The following FILIP1L variants were observed in gnomAD, a reference collection of about 807,000 sequenced individuals.
The protein encoded by FILIP1L is filamin A-interacting protein 1-like.
In FILIP1L, 55 loss-of-function variants were observed where a neutral mutation model predicts 96.6. The observed-to-expected ratio is 0.57, with a 90% CI of 0.46 to 0.71. FILIP1L has a LOEUF of 0.71. FILIP1L is among the 30% of genes least tolerant of loss of function. FILIP1L has a pLI of 0.00. For synonymous variants in FILIP1L, 467 were observed against 473.9 expected (o/e 0.99, Z 0.19); for missense variants, 1,304 against 1,321.2 (o/e 0.99, Z 0.20).
intron 4 of FILIP1L, among the ~76,000 whole-genome samples, chr3:99,863,317 T>G (rs548876005): frequency 6.6e-6 from 1 of 152,322 alleles, no homozygotes; most frequent in South Asian, 2.1e-4. Flanking sequence ...CTCATCCCGC[T>G]GCTCACCTCC....
intron 1 of FILIP1L, among the ~76,000 whole-genome samples, chr3:100,049,917 A>G (rs2065341573): frequency 6.6e-6 from 1 of 152,196 alleles, no homozygotes; most frequent in South Asian, 2.1e-4. Context: ...GGGGGGAGTC[A>G]AAAGTTATAT....
intron 1 of FILIP1L, among the ~76,000 whole-genome samples, chr3:100,106,974 G>A (rs778056913): frequency 1.1e-3 from 172 of 152,290 alleles, no homozygotes; most frequent in Non-Finnish European, 1.0e-3. Flanking sequence ...GTGGTGACTG[G>A]CATTTTGCCA....
intron 1 of FILIP1L, among the ~76,000 whole-genome samples, chr3:99,988,511 CAAAA>C (rs757175318): frequency 6.3e-5 from 3 of 47,894 alleles, no homozygotes; most frequent in South Asian, 8.2e-4. Context: ...GACTCCATCT[CAAAA>C]AAAAAAAAAA....
At chr3:99,883,869 A>T (rs973836680) in intron 4 of FILIP1L, among the ~76,000 whole-genome samples, 3 of 152,218 alleles carry the variant, frequency 2.0e-5, no homozygotes, top group African/African-American at 7.2e-5. Context: ...TTTGTCTAAG[A>T]TCACAGAGCT....
intron 4 of FILIP1L, among the ~76,000 whole-genome samples, chr3:99,869,260 T>G (rs1944668674): frequency 6.6e-6 from 1 of 152,214 alleles, no homozygotes; most frequent in African/African-American, 2.4e-5. Context: ...TTGCCTGTGA[T>G]TCTTTGCATC....
chr3:99,870,985 C>T (rs1201574524), intron 4 of FILIP1L, among the ~76,000 whole-genome samples: 1 of 152,148 alleles, frequency 6.6e-6, no homozygotes, highest in African/African-American at 2.4e-5. Flanking sequence ...GGTGACTCAC[C>T]TGATACTCCT....
chr3:99,913,325 A>C (rs1056726151), intron 4 of FILIP1L, among the ~76,000 whole-genome samples: 1 of 152,236 alleles, frequency 6.6e-6, no homozygotes, highest in African/African-American at 2.4e-5. Flanking sequence ...ACACAGCAGC[A>C]TATGAGGGTT....
chr3:100,048,696 AG>A (rs1050706970), intron 1 of FILIP1L, among the ~76,000 whole-genome samples: 24 of 152,314 alleles, frequency 1.6e-4, no homozygotes, highest in African/African-American at 5.5e-4. Flanking sequence ...CACTAAAGGA[AG>A]CAATCAAGTC....
At position 99,833,205 on chromosome 3, in the gene FILIP1L, A is replaced by G. The variant is rs201337902; in HGVS notation, c.3382-2600T>C. ...GTTCAACATGAAGACTGGGATTTGG[A>G]ATGCCTTAAAAGTCTGAAGGATGTT... On this transcript the variant is annotated intron_variant, in intron 5 of 5. Transcript: ENST00000477258. 3.3e-4 allele frequency: 533 copies of G among 1,601,074 alleles called. 2 individuals carry two copies. The highest frequency in any genetic ancestry group is 2.4e-4 in the Admixed American group (14 of 59,372).
intron 1 of FILIP1L, among the ~76,000 whole-genome samples, chr3:100,088,464 T>C (rs961209649): frequency 1.3e-5 from 2 of 152,258 alleles, no homozygotes; most frequent in Non-Finnish European, 2.9e-5. Flanking sequence ...ATTTTCTGAT[T>C]GAAATTAACT....
intron 1 of FILIP1L, among the ~76,000 whole-genome samples, chr3:99,987,734 G>A (rs1427250968): frequency 2.0e-5 from 3 of 152,240 alleles, no homozygotes; most frequent in African/African-American, 2.4e-5. Flanking sequence ...CTTCACAGGT[G>A]CATGTAATGA....
At chr3:99,914,572 T>C (rs983615153) in intron 4 of FILIP1L, among the ~76,000 whole-genome samples, 1 of 152,196 alleles carries the variant, frequency 6.6e-6, no homozygotes, top group African/African-American at 2.4e-5. Context: ...AAGACTAGTC[T>C]CAGGTAAAGT....
intron 1 of FILIP1L, among the ~76,000 whole-genome samples, chr3:99,978,786 G>A (rs566445408): frequency 6.6e-6 from 1 of 152,240 alleles, no homozygotes; most frequent in South Asian, 2.1e-4. Flanking sequence ...TTGGGTGGCT[G>A]AGGCACGAGA....
intron 1 of FILIP1L, among the ~76,000 whole-genome samples, chr3:100,024,688 AGCCTCTCTT>A (rs2064886245): frequency 6.6e-6 from 1 of 152,200 alleles, no homozygotes; most frequent in South Asian, 2.1e-4. Flanking sequence ...GTGACCTTCT[AGCCTCTCTT>A]ATTCAGCATG....
intron 4 of FILIP1L, among the ~76,000 whole-genome samples, chr3:99,904,510 G>A (rs1359480624): frequency 6.6e-6 from 1 of 152,172 alleles, no homozygotes; most frequent in Non-Finnish European, 1.5e-5. Flanking sequence ...CCATTAAAAT[G>A]AGGTCAAAGA....
chr3:100,058,524 A>C (rs1168497711), intron 1 of FILIP1L, among the ~76,000 whole-genome samples: 1 of 152,234 alleles, frequency 6.6e-6, no homozygotes, highest in African/African-American at 2.4e-5. Flanking sequence ...AGATACTCAC[A>C]TCCCCAATCT....
intron 3 of FILIP1L, among the ~76,000 whole-genome samples, chr3:99,928,877 T>C: frequency 6.6e-6 from 1 of 152,212 alleles, no homozygotes; most frequent in East Asian, 1.9e-4. Flanking sequence ...CAACAGACTT[T>C]GGGTGGTCTC....
chr3:99,861,723 A>C (rs539271516), intron 4 of FILIP1L, among the ~76,000 whole-genome samples: 1 of 152,320 alleles, frequency 6.6e-6, no homozygotes, highest in South Asian at 2.1e-4. Flanking sequence ...GACTGACAGC[A>C]TGTACACTCT....
In FILIP1L at chr3:99,850,882, G is replaced by C; in HGVS notation, c.794C>G (p.Thr265Arg). The C allele has an allele frequency of 6.2e-7, 1 of 1,614,182 alleles. No homozygotes were observed. Among genetic ancestry groups the C allele is most frequent in the Non-Finnish European group, 8.5e-7 (1 of 1,180,036 alleles). The part of the protein sequence containing the change: ...LQRQKIQELT[T>R]NAKETHTKLA... The stretch of plus-strand genomic sequence containing the variant: ...TTTGGTATGTGTTTCCTTTGCATTT[G>C]TGGTCAGCTCTTGGATTTTCTGTCT... The change falls in exon 5 of 6, where the codon ACA becomes AGA. Residue 265 changes from threonine (T) to arginine (R), a missense_variant. By Grantham distance (71) the Thr-to-Arg change is moderately conservative (BLOSUM62 -1). Coordinates refer to ENST00000477258, the MANE Select transcript of FILIP1L (RefSeq NM_001387850.1).
Sources: allele counts gnomAD v4.1 joint callset (sites outside exome capture counted in the v4.1 genomes callset), GRCh38; gene constraint gnomAD v4.1.1; transcripts MANE v1.5; gene names NCBI Gene and HGNC (gene_info 2026-07-23, HGNC 2026-07-21).